RASGEF1B: variants seen among roughly 807,000 people sequenced by gnomAD.
RASGEF1B encodes RasGEF domain family member 1B.
RASGEF1B carries 30 observed loss-of-function variants against 65.7 expected under a neutral mutation model. The observed-to-expected ratio is 0.46, with a 90% CI of 0.34 to 0.62. The LOEUF (loss-of-function observed/expected upper bound fraction) is 0.62. Among genes scored for constraint, RASGEF1B ranks in the 20% least tolerant of loss-of-function variants. RASGEF1B has a pLI of 0.01. For missense variants in RASGEF1B, 495 were observed against 580.1 expected (o/e 0.85, Z 1.51); for synonymous variants, 175 against 194.8 (o/e 0.90, Z 0.85).
chr4:81,433,737 A>T, intron 12 of RASGEF1B, 103 bp downstream of exon 12: 1 of 1,186,520 alleles, frequency 8.4e-7, no homozygotes, highest in Non-Finnish European at 1.2e-6. Flanking sequence ...AACAGATCAG[A>T]GGACAGGCCT....
rs1246886628 is a variant in RASGEF1B, at chr4:81,434,781, A to G, written c.1105-47T>C. On this transcript the variant is annotated intron_variant, in intron 10 of 13. Transcript: ENST00000264400. ...GGTTGGTCTGGGCAAACAAATATTTAGCCTTTCATAAAAATACACAAGATT... is the reference window on the plus strand; with the variant it reads ...GGTTGGTCTGGGCAAACAAATATTTGGCCTTTCATAAAAATACACAAGATT... 10 of 928,156 alleles carry G rather than the reference A, an allele frequency of 1.1e-5. No individual in the cohort carries two copies. In the East Asian group the frequency reaches 2.5e-4, roughly 23 times the overall value. The allele number at this position is 928,156 out of a possible 1,614,324, so 57.5% of individuals were successfully genotyped here. A position where few individuals can be genotyped will look rare whatever the true frequency, so the allele number is the denominator to read the frequency against.
At chr4:81,461,474 C>T (rs1192140947) in intron 1 of RASGEF1B, among the ~76,000 whole-genome samples, 1 of 152,204 alleles carries the variant, frequency 6.6e-6, no homozygotes. Context: ...CATTGGAGCA[C>T]TTACTCATTG....
intron 8 of RASGEF1B, among the ~76,000 whole-genome samples, chr4:81,444,639 C>T (rs1278238608): frequency 2.6e-5 from 4 of 152,164 alleles, no homozygotes; most frequent in South Asian, 2.1e-4. Flanking sequence ...TTGGTTCAAG[C>T]GATTCTCTTG....
rs773023896 is a variant in RASGEF1B at position 81,445,730 on chromosome 4, T to A, written c.825+13A>T. 6.2e-6 allele frequency: 10 copies of A among 1,609,354 alleles called. No individual in the cohort carries two copies. Among genetic ancestry groups the A allele is most frequent in the African/African-American group, 4.0e-5 (3 of 74,758 alleles). On this transcript the variant is annotated intron_variant, in intron 7 of 13. Transcript: ENST00000264400. Reference sequence around the variant, plus strand: ...ATGTTGAGAACTAGGAGACAGAAAATTCATTTCCTCACCATACAGATTTCT... The same window carrying A: ...ATGTTGAGAACTAGGAGACAGAAAAATCATTTCCTCACCATACAGATTTCT...
chr4:81,448,187 G>C lies in RASGEF1B; in HGVS notation c.536C>G (p.Ser179Cys). 1 of 1,614,104 alleles carries C rather than the reference G, an allele frequency of 6.2e-7. No individual in the cohort carries two copies. Among genetic ancestry groups the C allele is most frequent in the Non-Finnish European group, 8.5e-7 (1 of 1,180,030 alleles). Residue 179 changes from serine (S) to cysteine (C), a missense_variant, in exon 5 of 14, where the codon TCC becomes TGC. Ser to Cys is a moderately radical substitution (Grantham distance 112). Coordinates refer to ENST00000264400, the MANE Select transcript of RASGEF1B (RefSeq NM_152545.3). ...AACTGTGAGCCGATCTGTGGATGTG[G>C]AGCTGATTTTTGCCAGGACTTCTTC... ...QYEEVLAKIS[S>C]TSTDRLTVLK...
At chr4:81,441,761 C>G (rs1398464447) in intron 9 of RASGEF1B, among the ~76,000 whole-genome samples, 1 of 151,914 alleles carries the variant, frequency 6.6e-6, no homozygotes, top group Admixed American at 6.6e-5. Context: ...CAGGCTGGTC[C>G]TGAACTCCTG....
intron 2 of RASGEF1B, among the ~76,000 whole-genome samples, chr4:81,458,005 C>G (rs1313199463): frequency 4.6e-5 from 7 of 152,076 alleles, no homozygotes; most frequent in Non-Finnish European, 1.0e-4. Flanking sequence ...GGTTGTGTGT[C>G]CAAATATTTT....
chr4:81,427,762 C>T lies in RASGEF1B; in HGVS notation c.*6G>A. 6.2e-7 allele frequency: 1 copy of T among 1,613,894 alleles called. No individual in the cohort carries two copies. The highest frequency in any genetic ancestry group is 1.7e-5 in the Admixed American group (1 of 60,022). On this transcript the variant is annotated 3_prime_UTR_variant, in exon 14 of 14. Coordinates refer to ENST00000264400, the MANE Select transcript of RASGEF1B (RefSeq NM_152545.3). ...GCAGCAGCAGCAGGCAGGCAGCTCC[C>T]ATGTGTTAAACTCTGCCTAAGAGGC...
rs114343407 is a variant in RASGEF1B, at chr4:81,455,957, G to A, written c.438+694C>T. 1.7e-3 allele frequency: 267 copies of A among 152,648 alleles called. 1 individual carries two copies. Among genetic ancestry groups the A allele is most frequent in the Non-Finnish European group, 2.7e-3 (184 of 68,352 alleles). The allele number at this position is 152,648 out of a possible 1,614,324, so 9.5% of individuals were successfully genotyped here. A position where few individuals can be genotyped will look rare whatever the true frequency, so the allele number is the denominator to read the frequency against. ...CAGCTTCTATCCAGGAAGGTATGTTGTAAACACCATAAAGAGCAGTTTGTA... is the reference window on the plus strand; with the variant it reads ...CAGCTTCTATCCAGGAAGGTATGTTATAAACACCATAAAGAGCAGTTTGTA... On this transcript the variant is annotated intron_variant, in intron 4 of 13. Coordinates refer to ENST00000264400, the MANE Select transcript of RASGEF1B (RefSeq NM_152545.3).
At chr4:81,430,823 AAG>A (rs1397829118) in intron 13 of RASGEF1B, among the ~76,000 whole-genome samples, 1 of 152,264 alleles carries the variant, frequency 6.6e-6, no homozygotes, top group Non-Finnish European at 1.5e-5. Flanking sequence ...ATAAAATAAA[AAG>A]AACTATAAAA....
In RASGEF1B at chr4:81,445,822, C is replaced by A. The variant is rs773151341; in HGVS notation, c.746G>T (p.Arg249Leu). The change falls in exon 7 of 14, where the codon CGG (arginine) becomes CTG (leucine). Residue 249 changes from arginine to leucine, a missense_variant. Coordinates refer to ENST00000264400, the MANE Select transcript of RASGEF1B (RefSeq NM_152545.3). ...AGCTTCTAAGTTTCGTGTTTTCTTC[C>A]GTTCACTGTAGCAACTCTTTAGAGA... Reference protein sequence around the residue: ...LDNDKSCYSERKKTRNLEAYV... With the variant: ...LDNDKSCYSELKKTRNLEAYV... 1.2e-6 allele frequency: 2 copies of A among 1,613,630 alleles called. No individual in the cohort carries two copies. Among genetic ancestry groups the A allele is most frequent in the African/African-American group, 2.7e-5 (2 of 75,000 alleles).
intron 13 of RASGEF1B, among the ~76,000 whole-genome samples, chr4:81,428,569 C>T (rs1052372870): frequency 1.3e-5 from 2 of 152,014 alleles, no homozygotes; most frequent in African/African-American, 4.8e-5. Context: ...ATTTATGGTA[C>T]AACAACTATT....
intron 10 of RASGEF1B, among the ~76,000 whole-genome samples, chr4:81,437,304 C>T (rs1004358687): frequency 6.6e-6 from 1 of 152,016 alleles, no homozygotes; most frequent in Non-Finnish European, 1.5e-5. Context: ...TGACAGTGGC[C>T]ATTGAGTTTT....
rs762697863 is a variant in RASGEF1B, at chr4:81,432,305, G to A, written c.1391C>T (p.Ser464Phe). 1.9e-6 allele frequency: 3 copies of A among 1,603,826 alleles called. No homozygotes were observed. Among genetic ancestry groups the A allele is most frequent in the South Asian group, 2.2e-5 (2 of 90,554 alleles). Residue 464 changes from serine (S) to phenylalanine (F), a missense_variant, in exon 13 of 14, where the codon TCT (serine) becomes TTT (phenylalanine). Physicochemically the swap from Ser to Phe is radical, Grantham distance 155. Transcript: ENST00000264400. ...TGAGAAGAATGAGACCCACCTTAAA[G>A]ACTTCCATCTGTCTTTCTCTATATG... ...ENHIEKDRWK[S>F]LRSSLLGRV
At chr4:81,454,986 G>A (rs1025986167) in intron 4 of RASGEF1B, 18 of 152,076 alleles carry the variant, frequency 1.2e-4, no homozygotes, top group African/African-American at 4.3e-4. Context: ...AAACCTTTTT[G>A]GAAGTAAAAA....
rs1721252573 is a variant in RASGEF1B, at chr4:81,427,065, C to G, written c.*703G>C. 1 of 135,248 alleles carries G rather than the reference C, an allele frequency of 7.4e-6. No individual in the cohort carries two copies. The highest frequency in any genetic ancestry group is 8.1e-5 in the Admixed American group (1 of 12,316). 8.4% of individuals were successfully genotyped at this position (135,248 alleles called of 1,614,324 possible). ...ACAAACTCTGCTTTTTATTTTCTTT[C>G]TAGTGGCTATTTTCCTACCACAGTG... On this transcript the variant is annotated 3_prime_UTR_variant, in exon 14 of 14. Coordinates refer to ENST00000264400, the MANE Select transcript of RASGEF1B (RefSeq NM_152545.3).
At chr4:81,466,798 G>GAAAT (rs1193948472) in intron 1 of RASGEF1B, among the ~76,000 whole-genome samples, 1 of 145,116 alleles carries the variant, frequency 6.9e-6, no homozygotes, top group African/African-American at 2.6e-5. Flanking sequence ...AAGAAAGAAA[G>GAAAT]AAAGAAAGAA....
chr4:81,430,417 T>G (rs754169754), intron 13 of RASGEF1B, among the ~76,000 whole-genome samples: 4 of 152,176 alleles, frequency 2.6e-5, no homozygotes, highest in Non-Finnish European at 5.9e-5. Context: ...GTCCTTGCCA[T>G]AAGGTAGAGG....
intron 4 of RASGEF1B, among the ~76,000 whole-genome samples, chr4:81,448,491 TG>T (rs1722126208): frequency 1.3e-5 from 2 of 152,284 alleles, no homozygotes; most frequent in South Asian, 4.2e-4. Context: ...AGTTCTTCTT[TG>T]GGGTTGCGAC....
Sources: allele counts gnomAD v4.1 joint callset (sites outside exome capture counted in the v4.1 genomes callset), GRCh38; gene constraint gnomAD v4.1.1; transcripts MANE v1.5; gene names NCBI Gene and HGNC (gene_info 2026-07-23, HGNC 2026-07-21).